The following CTNNA3 variants were observed in gnomAD, a reference collection of about 807,000 sequenced individuals.
The protein encoded by CTNNA3 is catenin alpha 3.
A neutral mutation model predicts 95.7 loss-of-function variants in CTNNA3; 76 were observed. The ratio of observed to expected loss-of-function variants is 0.79; its 90% CI spans 0.66 to 0.96. The LOEUF is 0.96. CTNNA3 is among the 40% of genes least tolerant of loss of function. The probability of loss-of-function intolerance (pLI) is 0.00; values close to 1 mark genes in which losing one functional copy is unlikely to be tolerated. For synonymous variants in CTNNA3, 431 were observed against 374.4 expected (o/e 1.15, Z -1.74); for missense variants, 1,191 against 1,089.8 (o/e 1.09, Z -1.31).
chr10:67,327,686 G>A (rs2616705), intron 5 of CTNNA3, among the ~76,000 whole-genome samples: 106,080 of 152,154 alleles, frequency 0.7, 41,500 homozygotes, highest in Non-Finnish European at 0.88. Flanking sequence ...TTCAGAGTGC[G>A]ATGACAGTGG....
At chr10:67,614,900 A>G (rs1843596017) in intron 2 of CTNNA3, among the ~76,000 whole-genome samples, 1 of 152,204 alleles carries the variant, frequency 6.6e-6, no homozygotes, top group African/African-American at 2.4e-5. Flanking sequence ...GTGTCCTCAC[A>G]TGTATGCACA....
At chr10:66,311,251 A>G (rs2092016559) in intron 12 of CTNNA3, among the ~76,000 whole-genome samples, 1 of 152,240 alleles carries the variant, frequency 6.6e-6, no homozygotes, top group Admixed American at 6.5e-5. Flanking sequence ...TAAAAGAATG[A>G]CAGAAATCAG....
rs1218136189 is a variant in CTNNA3 at position 66,914,997 on chromosome 10, TAA to T, written c.1048-139475_1048-139474del. 3.3e-5 allele frequency among the ~76,000 whole-genome samples: 5 copies of T among 151,712 alleles called. No homozygotes were observed. In the South Asian group the frequency reaches 1.0e-3, roughly 32 times the overall value. On this transcript the variant is annotated intron_variant, in intron 7 of 17. Coordinates refer to ENST00000433211, the MANE Select transcript of CTNNA3 (RefSeq NM_013266.4). ...CATTACTCTGTAGGATGGAAAGAGA[TAA>T]AGAGATGGAAAATAGGAAAGAAAAA...
chr10:67,074,383 C>A (rs1292731864), intron 7 of CTNNA3, among the ~76,000 whole-genome samples: 1 of 121,298 alleles, frequency 8.2e-6, no homozygotes, highest in African/African-American at 3.3e-5. Flanking sequence ...CGGAGTCTCG[C>A]TCTGTCGCCC....
chr10:67,139,421 A>T lies in CTNNA3; in HGVS notation c.1047+40896T>A, dbSNP rs188254818. On this transcript the variant is annotated intron_variant, in intron 7 of 17. Transcript: ENST00000433211. ...CTCAGCCTCCCAAAGTGCTGGGACC[A>T]CAGGCACGAGCCACCATACCCGGCC... Among the ~76,000 whole-genome samples the T allele has an allele frequency of 2.0e-3, 298 of 150,816 alleles. 1 individual carries two copies. The highest frequency in any genetic ancestry group is 6.8e-3 in the African/African-American group (277 of 40,968).
At chr10:66,245,772 A>C (rs2090293753) in intron 13 of CTNNA3, among the ~76,000 whole-genome samples, 1 of 152,022 alleles carries the variant, frequency 6.6e-6, no homozygotes, top group Admixed American at 6.6e-5. Flanking sequence ...CAAGTTTCTG[A>C]AGCTCTCAGC....
chr10:66,239,757 T>C (rs113127972), intron 13 of CTNNA3, among the ~76,000 whole-genome samples: 1 of 151,992 alleles, frequency 6.6e-6, no homozygotes. Context: ...TGCGCATTGT[T>C]TGGGACAAGA....
rs201173778 is a variant in CTNNA3 at position 66,520,676 on chromosome 10, T to C, written c.1472A>G (p.His491Arg). The C allele has an allele frequency of 9.3e-6, 15 of 1,611,724 alleles. No individual in the cohort carries two copies. In the African/African-American group the frequency reaches 9.4e-5, roughly 10 times the overall value. The change falls in exon 11 of 18, where the codon CAT becomes CGT. Residue 491 changes from histidine (H) to arginine (R), a missense_variant. His to Arg is a conservative substitution (Grantham distance 29, BLOSUM62 0). Transcript: ENST00000433211. ...MYKRTWENHIHVLTEAVDDIT... is the reference protein window; with the variant it reads ...MYKRTWENHIRVLTEAVDDIT... ...GTCATCTACGGCTTCAGTGAGGACA[T>C]GTATATGATTCTCCCATGTACGCTT...
intron 7 of CTNNA3, among the ~76,000 whole-genome samples, chr10:67,091,378 A>G (rs1032924006): frequency 6.6e-6 from 1 of 151,974 alleles, no homozygotes; most frequent in African/African-American, 2.4e-5. Context: ...GTATATATTT[A>G]AGGAATATAT....
intron 10 of CTNNA3, among the ~76,000 whole-genome samples, chr10:66,554,820 C>T (rs1201805452): frequency 1.3e-5 from 2 of 151,972 alleles, no homozygotes; most frequent in Non-Finnish European, 2.9e-5. Context: ...TTCCTGTCTT[C>T]CTCCTTTCTT....
intron 13 of CTNNA3, among the ~76,000 whole-genome samples, chr10:66,256,807 A>G (rs1480590031): frequency 6.6e-6 from 1 of 152,066 alleles, no homozygotes; most frequent in African/African-American, 2.4e-5. Context: ...CTTTTTCATT[A>G]ACTAATAAAC....
At chr10:67,440,268 G>A (rs370042138) in intron 5 of CTNNA3, among the ~76,000 whole-genome samples, 2 of 152,220 alleles carry the variant, frequency 1.3e-5, no homozygotes, top group African/African-American at 4.8e-5. Context: ...GGAAAGTGGA[G>A]GGAAGAGTGG....
At chr10:67,243,671 T>C (rs1346782099) in intron 5 of CTNNA3, among the ~76,000 whole-genome samples, 1 of 152,206 alleles carries the variant, frequency 6.6e-6, no homozygotes, top group Non-Finnish European at 1.5e-5. Flanking sequence ...TCCAGATACA[T>C]AGAATCCATG....
intron 12 of CTNNA3, among the ~76,000 whole-genome samples, chr10:66,302,812 G>T (rs1297764255): frequency 1.3e-5 from 2 of 152,020 alleles, no homozygotes; most frequent in African/African-American, 4.8e-5. Context: ...ACATACAAAA[G>T]TCCTAATAAA....
At chr10:67,352,626 T>C (rs1375434605) in intron 5 of CTNNA3, among the ~76,000 whole-genome samples, 2 of 152,058 alleles carry the variant, frequency 1.3e-5, no homozygotes, top group East Asian at 1.9e-4. Flanking sequence ...TTTTCCTGTA[T>C]GTTAGCAGTG....
At chr10:67,511,826 G>C (rs537552314) in intron 5 of CTNNA3, among the ~76,000 whole-genome samples, 1 of 152,078 alleles carries the variant, frequency 6.6e-6, no homozygotes. Flanking sequence ...GTCTGATCCT[G>C]GACTTTTTTT....
At chr10:67,616,623 AGTAAATGGAGGT>A (rs1843665702) in intron 2 of CTNNA3, among the ~76,000 whole-genome samples, 1 of 152,210 alleles carries the variant, frequency 6.6e-6, no homozygotes, top group Admixed American at 6.5e-5. Context: ...TGAGCAGCTG[AGTAAATGGAGGT>A]AATATTTACT....
Position 66,950,305 on chromosome 10 carries a change from T to C in CTNNA3, c.1048-174781A>G, listed in dbSNP as rs373890714. 3.3e-5 allele frequency among the ~76,000 whole-genome samples: 5 copies of C among 152,242 alleles called. No individual in the cohort carries two copies. In the East Asian group the frequency reaches 9.6e-4, roughly 29 times the overall value. ...TTTTCTAACTTGAAGTATATTTACTTATATCTATAATTATCTTCCTTTCAG... is the reference window on the plus strand; with the variant it reads ...TTTTCTAACTTGAAGTATATTTACTCATATCTATAATTATCTTCCTTTCAG... On this transcript the variant is annotated intron_variant, in intron 7 of 17. Coordinates refer to ENST00000433211, the MANE Select transcript of CTNNA3 (RefSeq NM_013266.4).
At position 66,121,932 on chromosome 10, in the gene CTNNA3, T is replaced by C. The variant is rs1367477779; in HGVS notation, c.1885-18683A>G. Among the ~76,000 whole-genome samples the C allele has an allele frequency of 2.6e-5, 4 of 152,358 alleles. No homozygotes were observed. The East Asian group carries it at 5.8e-4, about 22-fold the overall frequency. On this transcript the variant is annotated intron_variant, in intron 13 of 17. Coordinates refer to ENST00000433211, the MANE Select transcript of CTNNA3 (RefSeq NM_013266.4). ...TTGTTTCTGGTACAAAAGATGTTCA[T>C]GGTTTCCTTCCAATTACAAATTAAA...
Sources: allele counts gnomAD v4.1 joint callset (sites outside exome capture counted in the v4.1 genomes callset), GRCh38; gene constraint gnomAD v4.1.1; transcripts MANE v1.5; gene names NCBI Gene and HGNC (gene_info 2026-07-23, HGNC 2026-07-21).